DHRS7B: variants seen among roughly 807,000 people sequenced by gnomAD.
DHRS7B encodes the protein dehydrogenase/reductase 7B.
In DHRS7B, 24 loss-of-function variants were observed where a neutral mutation model predicts 26.4. The ratio of observed to expected loss-of-function variants is 0.91; its 90% CI spans 0.66 to 1.28. The LOEUF (loss-of-function observed/expected upper bound fraction) is 1.28. Among genes scored for constraint, DHRS7B ranks in the 50% most tolerant of loss-of-function variants. DHRS7B has a pLI of 0.00. For synonymous variants in DHRS7B, 142 were observed against 166.4 expected (o/e 0.85, Z 1.13); for missense variants, 368 against 419.4 (o/e 0.88, Z 1.07).
At chr17:21,157,382 A>G (rs543602730) in intron 1 of DHRS7B, among the ~76,000 whole-genome samples, 160 of 152,344 alleles carry the variant, frequency 1.1e-3, no homozygotes, top group Non-Finnish European at 2.0e-3. Context: ...GGATTTATCC[A>G]AGATGTGTAA....
At chr17:21,168,434 T>A (rs113692660) in intron 1 of DHRS7B, among the ~76,000 whole-genome samples, 4,136 of 152,178 alleles carry the variant, frequency 0.027, 176 homozygotes, top group African/African-American at 0.092. Context: ...AGTGGTGCAA[T>A]CTTGGCTCAC....
At chr17:21,138,198 TC>T (rs1225667937) in intron 1 of DHRS7B, among the ~76,000 whole-genome samples, 1 of 137,594 alleles carries the variant, frequency 7.3e-6, no homozygotes, top group East Asian at 2.2e-4. Context: ...GTCTTGAACA[TC>T]CATCCCTCCT....
At chr17:21,135,525 AAAAC>A (rs987473138) in intron 1 of DHRS7B, among the ~76,000 whole-genome samples, 1 of 152,238 alleles carries the variant, frequency 6.6e-6, no homozygotes, top group African/African-American at 2.4e-5. Context: ...AAGGATTTCA[AAAAC>A]AAAAAGGTGA....
intron 1 of DHRS7B, among the ~76,000 whole-genome samples, chr17:21,171,085 C>A (rs1466866202): frequency 1.3e-5 from 2 of 152,114 alleles, no homozygotes; most frequent in African/African-American, 4.8e-5. Context: ...CTGGCTCGCT[C>A]GTCAAGTGGC....
chr17:21,189,806 T>C (rs1974736436), intron 6 of DHRS7B, among the ~76,000 whole-genome samples: 2 of 152,246 alleles, frequency 1.3e-5, no homozygotes, highest in African/African-American at 4.8e-5. Context: ...ACTTCCTACT[T>C]TTCTGCATTA....
intron 1 of DHRS7B, chr17:21,127,502 G>A: frequency 6.5e-6 from 1 of 154,824 alleles, no homozygotes; most frequent in Non-Finnish European, 1.4e-5. Context: ...AGCGTCCACG[G>A]GAATGGCTGG....
At chr17:21,132,867 T>TCCTGTTTAAAGTTCG (rs1973269452) in intron 1 of DHRS7B, among the ~76,000 whole-genome samples, 1 of 152,204 alleles carries the variant, frequency 6.6e-6, no homozygotes, top group Non-Finnish European at 1.5e-5. Context: ...TTAGAATCCT[T>TCCTGTTTAAAGTTCG]CCTGTTTAAA....
intron 1 of DHRS7B, among the ~76,000 whole-genome samples, chr17:21,158,938 T>C (rs1331765627): frequency 1.3e-5 from 2 of 151,170 alleles, no homozygotes; most frequent in Non-Finnish European, 2.9e-5. Context: ...TTTCAGCAGA[T>C]TGAAACACTA....
intron 1 of DHRS7B, among the ~76,000 whole-genome samples, chr17:21,131,060 T>A (rs893248740): frequency 3.3e-5 from 5 of 152,344 alleles, no homozygotes; most frequent in Non-Finnish European, 7.3e-5. Flanking sequence ...GGGAGAGGTC[T>A]GTGATGGCCA....
chr17:21,138,520 G>C (rs1973418142), intron 1 of DHRS7B, among the ~76,000 whole-genome samples: 1 of 151,788 alleles, frequency 6.6e-6, no homozygotes, highest in Non-Finnish European at 1.5e-5. Flanking sequence ...ACCGCGCCTG[G>C]CAACATCCCT....
At chr17:21,140,019 A>ATTTTTTTTTT (rs1188887493) in intron 1 of DHRS7B, among the ~76,000 whole-genome samples, 21 of 60,386 alleles carry the variant, frequency 3.5e-4, no homozygotes, top group South Asian at 6.4e-4. Flanking sequence ...AGACTTTCAG[A>ATTTTTTTTTT]TTCTTTTTTT....
At chr17:21,165,268 G>C (rs1974086414) in intron 1 of DHRS7B, among the ~76,000 whole-genome samples, 1 of 152,056 alleles carries the variant, frequency 6.6e-6, no homozygotes, top group African/African-American at 2.4e-5. Flanking sequence ...GGTGCGGGGG[G>C]CCTGGGGCTC....
intron 1 of DHRS7B, among the ~76,000 whole-genome samples, chr17:21,145,192 C>T (rs964250591): frequency 2.0e-5 from 3 of 151,978 alleles, no homozygotes; most frequent in East Asian, 1.9e-4. Flanking sequence ...GGCATGGTGG[C>T]GGGTGCCTGT....
chr17:21,153,481 G>T (rs1233125690), intron 1 of DHRS7B, among the ~76,000 whole-genome samples: 2 of 152,150 alleles, frequency 1.3e-5, no homozygotes, highest in Non-Finnish European at 2.9e-5. Context: ...ATATTTTAAG[G>T]AATAACGTTG....
At chr17:21,154,826 A>G (rs1287800100) in intron 1 of DHRS7B, among the ~76,000 whole-genome samples, 1 of 152,216 alleles carries the variant, frequency 6.6e-6, no homozygotes, top group East Asian at 1.9e-4. Flanking sequence ...GTAAGGGAAG[A>G]GAGGGAAGAA....
intron 1 of DHRS7B, among the ~76,000 whole-genome samples, chr17:21,136,141 A>G (rs1447315282): frequency 6.6e-6 from 1 of 152,048 alleles, no homozygotes; most frequent in African/African-American, 2.4e-5. Flanking sequence ...TCTACTAATA[A>G]TACCAAAAAA....
chr17:21,149,658 TTTTCTTTG>T (rs1487234543), intron 1 of DHRS7B, among the ~76,000 whole-genome samples: 2 of 152,130 alleles, frequency 1.3e-5, no homozygotes, highest in African/African-American at 4.8e-5. Context: ...TTAAACATAT[TTTTCTTTG>T]TTTCTTTGTT....
intron 1 of DHRS7B, among the ~76,000 whole-genome samples, chr17:21,157,155 A>G (rs1388332887): frequency 2.0e-5 from 3 of 151,426 alleles, no homozygotes; most frequent in African/African-American, 7.2e-5. Flanking sequence ...GAATTATACC[A>G]ATTCTCTACA....
At chr17:21,170,870 TA>T (rs1457193226) in intron 1 of DHRS7B, among the ~76,000 whole-genome samples, 4 of 149,118 alleles carry the variant, frequency 2.7e-5, no homozygotes, top group Middle Eastern at 3.4e-3. Flanking sequence ...ATTTTTTTTT[TA>T]TATGTGGGCT....
Sources: allele counts gnomAD v4.1 joint callset (sites outside exome capture counted in the v4.1 genomes callset), GRCh38; gene constraint gnomAD v4.1.1; transcripts MANE v1.5; gene names NCBI Gene and HGNC (gene_info 2026-07-23, HGNC 2026-07-21).